Variants in RABEP1 observed in about 807,000 individuals in gnomAD.
RABEP1 encodes rabaptin, RAB GTPase binding effector protein 1, also known as rab GTPase-binding effector protein 1.
RABEP1 carries 51 observed loss-of-function variants against 123.4 expected under a neutral mutation model. The ratio of observed to expected loss-of-function variants is 0.41; its 90% CI spans 0.33 to 0.52. RABEP1 has a LOEUF of 0.52. Ranked by LOEUF, RABEP1 falls within the 20% of genes least tolerant of loss-of-function variation. The probability of loss-of-function intolerance (pLI) is 0.16; values close to 1 mark genes in which losing one functional copy is unlikely to be tolerated. For synonymous variants in RABEP1, 347 were observed against 355.2 expected, an observed-to-expected ratio of 0.98 and a Z score of 0.26; for missense variants, 888 against 996.3, an observed-to-expected ratio of 0.89 and a Z score of 1.46.
At chr17:5,307,272 C>T (rs969645809) in intron 1 of RABEP1, among the ~76,000 whole-genome samples, 2 of 152,204 alleles carry the variant, frequency 1.3e-5, no homozygotes, top group African/African-American at 4.8e-5. Flanking sequence ...GAGCCGAGAT[C>T]GCCCCACTGC....
At chr17:5,373,803 C>T (rs1350737443) in intron 13 of RABEP1, among the ~76,000 whole-genome samples, 4 of 151,864 alleles carry the variant, frequency 2.6e-5, no homozygotes, top group African/African-American at 9.7e-5. Context: ...CCTTAAGCAA[C>T]TACTAACCTT....
chr17:5,342,638 A>G (rs1371609263), intron 5 of RABEP1, among the ~76,000 whole-genome samples: 1 of 152,238 alleles, frequency 6.6e-6, no homozygotes, highest in East Asian at 1.9e-4. Flanking sequence ...TAGACATTGT[A>G]TCCCCAAATT....
chr17:5,374,085 T>G (rs1910772488), intron 13 of RABEP1, among the ~76,000 whole-genome samples: 1 of 152,208 alleles, frequency 6.6e-6, no homozygotes, highest in South Asian at 2.1e-4. Context: ...TTGTTTCTTT[T>G]TGAGACAGAT....
At chr17:5,367,964 C>T (rs1910212268) in intron 11 of RABEP1, among the ~76,000 whole-genome samples, 1 of 150,884 alleles carries the variant, frequency 6.6e-6, no homozygotes, top group South Asian at 2.2e-4. Context: ...ACCATGCAGG[C>T]CAGGCTGGTC....
At chr17:5,352,143 T>G (rs1051363491) in intron 7 of RABEP1, among the ~76,000 whole-genome samples, 6 of 152,116 alleles carry the variant, frequency 3.9e-5, no homozygotes, top group Non-Finnish European at 8.8e-5. Flanking sequence ...TTTTGTCTCT[T>G]AATTTGGACT....
intron 2 of RABEP1, among the ~76,000 whole-genome samples, chr17:5,312,185 C>A (rs779395840): frequency 5.9e-5 from 9 of 152,108 alleles, no homozygotes; most frequent in African/African-American, 2.2e-4. Flanking sequence ...CTCACTTTTT[C>A]GCTCAGGCTG....
intron 1 of RABEP1, among the ~76,000 whole-genome samples, chr17:5,298,292 A>G (rs75988260): frequency 0.036 from 5,452 of 152,212 alleles, 313 homozygotes; most frequent in African/African-American, 0.12. Flanking sequence ...AAAATTTTCT[A>G]TGTTACAATC....
At chr17:5,352,363 T>C (rs1908631511) in intron 7 of RABEP1, among the ~76,000 whole-genome samples, 1 of 151,662 alleles carries the variant, frequency 6.6e-6, no homozygotes, top group Non-Finnish European at 1.5e-5. Context: ...TGGCTAACTT[T>C]TGTATTTTTA....
At chr17:5,319,327 C>CAAAAAAA (rs200353804) in intron 2 of RABEP1, among the ~76,000 whole-genome samples, 1 of 114,716 alleles carries the variant, frequency 8.7e-6, no homozygotes, top group Non-Finnish European at 1.7e-5. Context: ...GACTCTGTCT[C>CAAAAAAA]AAAAAAAAAA....
chr17:5,324,766 C>T (rs11867426), intron 2 of RABEP1, among the ~76,000 whole-genome samples: 45,473 of 152,000 alleles, frequency 0.3, 7,270 homozygotes, highest in African/African-American at 0.41. Context: ...TTTCAAAAGA[C>T]GTAAATGGCC....
chr17:5,308,921 A>G (rs975987881), intron 2 of RABEP1, 99 bp downstream of exon 2: 15 of 1,195,020 alleles, frequency 1.3e-5, no homozygotes, highest in Non-Finnish European at 1.5e-5. Context: ...ATAAACCTTG[A>G]TTTTATTTGT....
chr17:5,378,091 T>TG (rs1291260988), intron 14 of RABEP1, 86 bp from the exon 15 acceptor site: 36 of 1,012,470 alleles, frequency 3.6e-5, no homozygotes, highest in South Asian at 4.7e-5. Context: ...TTGAATCCTT[T>TG]GGGGGGTGCT....
Position 5,370,516 on chromosome 17 carries a change from A to T in RABEP1, c.1884+2048A>T, listed in dbSNP as rs138307501. Among the ~76,000 whole-genome samples, 529 of 152,192 alleles carry T rather than the reference A, an allele frequency of 3.5e-3. 3 individuals carry two copies. Among genetic ancestry groups the T allele is most frequent in the Non-Finnish European group, 6.5e-3 (439 of 67,998 alleles). On this transcript the variant is annotated intron_variant, in intron 12 of 17. Coordinates refer to ENST00000537505, the MANE Select transcript of RABEP1 (RefSeq NM_004703.6). ...TGCCATGTCGCTTTAGTCACTTTTCATCTAGAACAGTCTCCCACTCTCTTT... is the reference window on the plus strand; with the variant it reads ...TGCCATGTCGCTTTAGTCACTTTTCTTCTAGAACAGTCTCCCACTCTCTTT...
intron 12 of RABEP1, among the ~76,000 whole-genome samples, chr17:5,370,730 G>C (rs912250851): frequency 6.6e-6 from 1 of 152,088 alleles, no homozygotes; most frequent in South Asian, 2.1e-4. Flanking sequence ...TCCATTACTG[G>C]GGATGTTAAA....
chr17:5,288,191 A>G (rs2074997908), intron 1 of RABEP1, among the ~76,000 whole-genome samples: 1 of 151,954 alleles, frequency 6.6e-6, no homozygotes, highest in Non-Finnish European at 1.5e-5. Flanking sequence ...CTTTTGATGA[A>G]GTAGTCCTGG....
In RABEP1 at chr17:5,340,354, A is replaced by G. The variant is rs1336705692; in HGVS notation, c.648+2216A>G. ...CCACCTTAATAGTCACCATATGGCT[A>G]TTATGAGGAACATATAAATTAATCC... On this transcript the variant is annotated intron_variant, in intron 5 of 17. Transcript: ENST00000537505. 1.3e-5 allele frequency among the ~76,000 whole-genome samples: 2 copies of G among 152,336 alleles called. 1 individual carries two copies. The highest frequency in any genetic ancestry group is 4.1e-4 in the South Asian group (2 of 4,830).
intron 5 of RABEP1, 84 bp from the exon 6 acceptor site, chr17:5,346,699 TTTTGAGG>T (rs1409369805): frequency 1.0e-6 from 1 of 988,880 alleles, no homozygotes; most frequent in African/African-American, 1.7e-5. Flanking sequence ...GTGTAAATTT[TTTTGAGG>T]CATAGCCAGA....
intron 5 of RABEP1, among the ~76,000 whole-genome samples, chr17:5,339,046 A>C (rs1213188774): frequency 6.6e-6 from 1 of 152,106 alleles, no homozygotes; most frequent in African/African-American, 2.4e-5. Flanking sequence ...TGTCCCACCT[A>C]CTTGGGAGAC....
Position 5,354,560 on chromosome 17 carries a change from T to C in RABEP1, c.1095+70T>C, listed in dbSNP as rs1483768582. On this transcript the variant is annotated intron_variant, in intron 8 of 17. Coordinates refer to ENST00000537505, the MANE Select transcript of RABEP1 (RefSeq NM_004703.6). ...CAATTTTAGCTTACTCATACATCAG[T>C]TAATTACATTGTTCATATGAGAAGT... is the stretch of plus-strand genomic sequence containing the variant. 3 of 1,403,510 alleles carry C rather than the reference T, an allele frequency of 2.1e-6. No individual in the cohort carries two copies. In the Admixed American group the frequency reaches 6.5e-5, roughly 31 times the overall value. The allele number at this position is 1,403,510 out of a possible 1,614,324, so 86.9% of individuals were successfully genotyped here.
Sources: gnomAD v4.1 joint callset for allele counts (sites outside exome capture counted in the v4.1 genomes callset) on GRCh38, gnomAD v4.1.1 for gene constraint, MANE v1.5 for transcripts, NCBI Gene and HGNC (gene_info 2026-07-23, HGNC 2026-07-21) for gene names.